The following CELF2 variants were observed in gnomAD, a reference collection of about 807,000 sequenced individuals.
The protein encoded by CELF2 is CUGBP Elav-like family member 2.
Under a neutral mutation model 62.6 loss-of-function variants are expected in CELF2, and 8 were observed. That is an observed-to-expected ratio of 0.13 (90% CI 0.07 to 0.23). The LOEUF is 0.23. CELF2 is among the 10% of genes least tolerant of loss of function. The pLI is 1.00. For missense variants in CELF2, 333 were observed against 671.0 expected, an observed-to-expected ratio of 0.50 and a Z score of 5.56; for synonymous variants, 258 against 250.0, an observed-to-expected ratio of 1.03 and a Z score of -0.30.
Position 11,211,467 on chromosome 10 carries a change from A to T in CELF2, c.272-5958A>T, listed in dbSNP as rs1589135340. 6.6e-6 allele frequency among the ~76,000 whole-genome samples: 1 copy of T among 152,194 alleles called. No individual in the cohort carries two copies. Among genetic ancestry groups the T allele is most frequent in the Admixed American group, 6.5e-5 (1 of 15,286 alleles). Reference sequence around the variant, plus strand: ...AATCTGACCTCATATCATTGTCTAGAGTGGTGTCTACATTACCTCCACACT... The same window carrying T: ...AATCTGACCTCATATCATTGTCTAGTGTGGTGTCTACATTACCTCCACACT... On this transcript the variant is annotated intron_variant, in intron 2 of 12. Coordinates refer to ENST00000633077, the MANE Select transcript of CELF2 (RefSeq NM_001326342.2). The surrounding 1 kb of genome is among the most constrained non-coding windows in gnomAD (Gnocchi z 4.8).
the CELF2 span, among the ~76,000 whole-genome samples, chr10:10,683,248 T>G: frequency 6.6e-6 from 1 of 152,222 alleles, no homozygotes; most frequent in Non-Finnish European, 1.5e-5. Context: ...TGTTCAAAAG[T>G]TCTTTTCCTC....
chr10:11,258,974 G>A (rs561255218), intron 5 of CELF2, among the ~76,000 whole-genome samples: 30 of 152,204 alleles, frequency 2.0e-4, no homozygotes, highest in Non-Finnish European at 2.8e-4. Context: ...GTGAGCCACC[G>A]CACCCAGCCT....
chr10:10,634,909 T>G, the CELF2 span, among the ~76,000 whole-genome samples: 4 of 152,188 alleles, frequency 2.6e-5, no homozygotes, highest in Non-Finnish European at 1.5e-5. Flanking sequence ...AGCCAAAGTC[T>G]GCTGTGGGTC....
the CELF2 span, among the ~76,000 whole-genome samples, chr10:10,566,464 T>C: frequency 6.7e-6 from 1 of 150,218 alleles, no homozygotes; most frequent in Non-Finnish European, 1.5e-5. Context: ...CATGTGCACA[T>C]TGTGCAGGTT....
intron 1 of CELF2, among the ~76,000 whole-genome samples, chr10:11,061,970 G>A (rs573009222): frequency 5.8e-4 from 89 of 152,246 alleles, no homozygotes; most frequent in Middle Eastern, 3.4e-3. Flanking sequence ...CTGCCACCAC[G>A]CCCAGGTAAT....
intron 1 of CELF2, among the ~76,000 whole-genome samples, chr10:10,906,386 G>A (rs1186654678): frequency 1.3e-5 from 2 of 152,208 alleles, no homozygotes; most frequent in African/African-American, 4.8e-5. Context: ...GCCACTCACT[G>A]TCCTAAGTGT....
intron 1 of CELF2, among the ~76,000 whole-genome samples, chr10:11,162,016 T>TG: frequency 6.6e-6 from 1 of 151,726 alleles, no homozygotes; most frequent in African/African-American, 2.4e-5. Context: ...GAGTTGGGAG[T>TG]CCAGAGCAGG....
At chr10:10,681,080 T>C in the CELF2 span, among the ~76,000 whole-genome samples, 1 of 152,190 alleles carries the variant, frequency 6.6e-6, no homozygotes, top group Non-Finnish European at 1.5e-5. Context: ...CTAGATATTC[T>C]TATCAAATAT....
chr10:10,665,275 G>T, the CELF2 span, among the ~76,000 whole-genome samples: 4 of 152,112 alleles, frequency 2.6e-5, no homozygotes, highest in African/African-American at 9.7e-5. Flanking sequence ...GAGCTATGCC[G>T]GCAAATTTGT....
intron 2 of CELF2, among the ~76,000 whole-genome samples, chr10:11,197,018 A>G (rs780304514): frequency 0.18 from 2,254 of 12,540 alleles, 547 homozygotes; most frequent in African/African-American, 0.31. Flanking sequence ...GAAAGAAAGA[A>G]AGAAAGAAAA....
In CELF2 at chr10:11,290,683, G is replaced by A. The variant is rs527557538; in HGVS notation, c.976+2131G>A. 6.6e-6 allele frequency among the ~76,000 whole-genome samples: 1 copy of A among 152,326 alleles called. No individual in the cohort carries two copies. Among genetic ancestry groups the A allele is most frequent in the East Asian group, 1.9e-4 (1 of 5,176 alleles). ...GGGATGAGCCTTCCTCCCTGCTGGAGTCAAAACCACACCAGCGCAGCGTCC... is the reference window on the plus strand; with the variant it reads ...GGGATGAGCCTTCCTCCCTGCTGGAATCAAAACCACACCAGCGCAGCGTCC... On this transcript the variant is annotated intron_variant, in intron 9 of 12. Transcript: ENST00000633077. This position sits in a 1 kb window ranked among gnomAD's most constrained non-coding sequence, Gnocchi z 4.3.
At chr10:11,064,570 A>G (rs192077546) in intron 1 of CELF2, among the ~76,000 whole-genome samples, 9 of 152,310 alleles carry the variant, frequency 5.9e-5, no homozygotes, top group East Asian at 1.9e-4. Flanking sequence ...CCATCATTTA[A>G]GAGTGAAAGA....
the CELF2 span, among the ~76,000 whole-genome samples, chr10:10,738,494 T>C: frequency 1.7e-3 from 261 of 152,280 alleles, no homozygotes; most frequent in African/African-American, 4.3e-3. Context: ...GTACCCTTGG[T>C]ATGACATGAC....
chr10:11,109,111 A>C (rs1305864717), intron 1 of CELF2, among the ~76,000 whole-genome samples: 4 of 152,188 alleles, frequency 2.6e-5, no homozygotes, highest in Non-Finnish European at 5.9e-5. Context: ...CATTAGGTAT[A>C]TCTCATATGT....
chr10:10,558,219 A>C, the CELF2 span, among the ~76,000 whole-genome samples: 2 of 152,110 alleles, frequency 1.3e-5, no homozygotes, highest in Non-Finnish European at 2.9e-5. Flanking sequence ...ATCAATACCT[A>C]ATTTATTGAG....
At chr10:10,713,769 T>TC in the CELF2 span, among the ~76,000 whole-genome samples, 1 of 152,178 alleles carries the variant, frequency 6.6e-6, no homozygotes, top group African/African-American at 2.4e-5. Context: ...GCACGGTGGC[T>TC]CATGCCTGTA....
chr10:11,288,353 T>C (rs1294443084), intron 8 of CELF2, 65 bp from the exon 9 acceptor site: 2 of 1,585,432 alleles, frequency 1.3e-6, no homozygotes, highest in Non-Finnish European at 1.7e-6. Context: ...ATGAGCCTGC[T>C]CTTGTTTGGA....
At chr10:10,464,169 C>G in the CELF2 span, among the ~76,000 whole-genome samples, 2 of 152,062 alleles carry the variant, frequency 1.3e-5, no homozygotes, top group Admixed American at 6.6e-5. Flanking sequence ...CTAAAAAGAC[C>G]TTAGAACATT....
chr10:11,070,429 A>G (rs966093642), intron 1 of CELF2, among the ~76,000 whole-genome samples: 2 of 152,204 alleles, frequency 1.3e-5, no homozygotes, highest in African/African-American at 4.8e-5. Flanking sequence ...GGAATTAAGC[A>G]GAGGACGGGC....
Sources: allele counts gnomAD v4.1 joint callset (sites outside exome capture counted in the v4.1 genomes callset), GRCh38; gene constraint gnomAD v4.1.1; non-coding constraint Gnocchi (gnomAD v3.1); transcripts MANE v1.5; gene names NCBI Gene and HGNC (gene_info 2026-07-23, HGNC 2026-07-21).